ITPR1: variants seen among roughly 807,000 people sequenced by gnomAD.
ITPR1 encodes the protein inositol 1,4,5-trisphosphate-gated calcium channel ITPR1.
A neutral mutation model predicts 318.4 loss-of-function variants in ITPR1; 96 were observed. That is an observed-to-expected ratio of 0.30 (90% confidence interval 0.26 to 0.36). ITPR1 has a LOEUF of 0.36. ITPR1 is among the 10% of genes least tolerant of loss of function. ITPR1 has a pLI of 1.00. For synonymous variants in ITPR1, 1,312 were observed against 1,289.9 expected, an observed-to-expected ratio of 1.02 and a Z score of -0.37; for missense variants, 2,440 against 3,460.2, an observed-to-expected ratio of 0.71 and a Z score of 7.40.
intron 46 of ITPR1, among the ~76,000 whole-genome samples, chr3:4,773,690 G>A (rs2046322512): frequency 6.6e-6 from 1 of 152,188 alleles, no homozygotes; most frequent in African/African-American, 2.4e-5. Context: ...ACAGAGCAGG[G>A]CTGAGCCAAC....
intron 3 of ITPR1, among the ~76,000 whole-genome samples, chr3:4,516,992 C>T (rs559054848): frequency 6.6e-6 from 1 of 152,144 alleles, no homozygotes; most frequent in Non-Finnish European, 1.5e-5. Context: ...ATAATATAAG[C>T]AAAGACCAAA....
At chr3:4,654,009 C>T in intron 12 of ITPR1, 123 bp downstream of exon 12, 3 of 646,186 alleles carry the variant, frequency 4.6e-6, no homozygotes, top group South Asian at 3.9e-5. Flanking sequence ...CCTTAGGCTC[C>T]CTTAAAACAC....
In ITPR1 at chr3:4,669,449, C is replaced by A. The variant is rs2306874; in HGVS notation, c.1887-205C>A. Among the ~76,000 whole-genome samples the A allele has an allele frequency of 0.075, 11,470 of 152,158 alleles. 677 individuals are homozygous for A. Among genetic ancestry groups the A allele is most frequent in the African/African-American group, 0.15 (6,377 of 41,464 alleles). ...CACCTCTTCCTTGACCACAGCCACT[C>A]CTGTCTTTCCTTCTTGTTTCCTCTT... On this transcript the variant is annotated intron_variant, in intron 18 of 61. Coordinates refer to ENST00000649015, the MANE Select transcript of ITPR1 (RefSeq NM_001378452.1).
At chr3:4,609,811 A>G (rs1031548319) in intron 4 of ITPR1, among the ~76,000 whole-genome samples, 1 of 152,180 alleles carries the variant, frequency 6.6e-6, no homozygotes, top group Admixed American at 6.5e-5. Context: ...GGAATAGAAC[A>G]GGACAGAGCT....
At chr3:4,535,711 C>T (rs937462221) in intron 4 of ITPR1, among the ~76,000 whole-genome samples, 2 of 152,062 alleles carry the variant, frequency 1.3e-5, no homozygotes, top group African/African-American at 4.8e-5. Context: ...TCCCAAAGTG[C>T]TGGGATTAGA....
At chr3:4,751,576 C>G (rs2044525690) in intron 44 of ITPR1, 1 of 152,230 alleles carries the variant, frequency 6.6e-6, no homozygotes, top group East Asian at 1.9e-4. Context: ...CCACCTCTGC[C>G]TTGCCCAGAA....
intron 52 of ITPR1, among the ~76,000 whole-genome samples, chr3:4,793,716 C>T (rs1269590436): frequency 6.6e-6 from 1 of 152,092 alleles, no homozygotes; most frequent in African/African-American, 2.4e-5. Flanking sequence ...CAGAGGATCA[C>T]TAACCTGGAT....
chr3:4,737,674 G>A (rs1452902380), intron 44 of ITPR1, among the ~76,000 whole-genome samples: 1 of 152,196 alleles, frequency 6.6e-6, no homozygotes, highest in East Asian at 1.9e-4. Flanking sequence ...GAGGAAAGCA[G>A]GGTCCCAAGG....
chr3:4,521,137 G>C, intron 4 of ITPR1, 43 bp downstream of exon 4: 1 of 1,338,606 alleles, frequency 7.5e-7, no homozygotes, highest in African/African-American at 1.4e-5. Context: ...TGACTCACTT[G>C]AAAATTCTTG....
Position 4,645,747 on chromosome 3 carries a change from A to T in ITPR1, c.855+19A>T. Reference sequence around the variant, plus strand: ...GGTGGAGGTAAGGGTAGGGTGGAGAAAGGGCTCCTGGGTTTAGAGGATATC... The same window carrying T: ...GGTGGAGGTAAGGGTAGGGTGGAGATAGGGCTCCTGGGTTTAGAGGATATC... On this transcript the variant is annotated intron_variant, in intron 10 of 61. Transcript: ENST00000649015. The T allele has an allele frequency of 6.2e-7, 1 of 1,609,198 alleles. No homozygotes were observed. The highest frequency in any genetic ancestry group is 1.3e-5 in the African/African-American group (1 of 74,902).
chr3:4,642,052 G>C, intron 6 of ITPR1, 41 bp from the exon 7 acceptor site: 1 of 1,485,986 alleles, frequency 6.7e-7, no homozygotes, highest in Non-Finnish European at 9.0e-7. Context: ...AGAAAATTCA[G>C]ATTTGCTGAC....
At chr3:4,536,797 A>G (rs967193328) in intron 4 of ITPR1, among the ~76,000 whole-genome samples, 1 of 152,206 alleles carries the variant, frequency 6.6e-6, no homozygotes, top group Non-Finnish European at 1.5e-5. Context: ...TCATTACCCA[A>G]ATATCCACAG....
intron 12 of ITPR1, among the ~76,000 whole-genome samples, chr3:4,655,445 G>T (rs560851727): frequency 1.5e-4 from 23 of 152,274 alleles, no homozygotes; most frequent in Non-Finnish European, 2.8e-4. Flanking sequence ...TTTATGAGCT[G>T]CTGTGTGACC....
chr3:4,587,407 A>G (rs1357697825), intron 4 of ITPR1, among the ~76,000 whole-genome samples: 4 of 151,298 alleles, frequency 2.6e-5, no homozygotes, highest in African/African-American at 9.7e-5. Flanking sequence ...AGTAGCTGGG[A>G]CTACAGGTGC....
chr3:4,843,333 T>A (rs559915381), intron 61 of ITPR1, among the ~76,000 whole-genome samples: 1 of 152,290 alleles, frequency 6.6e-6, no homozygotes, highest in South Asian at 2.1e-4. Context: ...AAATAATATA[T>A]GTACACAAAT....
intron 42 of ITPR1, 149 bp downstream of exon 42, chr3:4,727,322 A>G (rs1027147830): frequency 3.7e-5 from 20 of 540,950 alleles, no homozygotes; most frequent in Non-Finnish European, 4.8e-5. Flanking sequence ...CCATGTATAT[A>G]AATGAAACTA....
chr3:4,754,852 G>A (rs746779553), intron 44 of ITPR1, among the ~76,000 whole-genome samples: 74 of 152,296 alleles, frequency 4.9e-4, no homozygotes, highest in African/African-American at 1.3e-3. Flanking sequence ...CAAGGGTATC[G>A]TTGATTTGAC....
At chr3:4,622,335 G>C (rs9818585) in intron 4 of ITPR1, among the ~76,000 whole-genome samples, 2 of 149,818 alleles carry the variant, frequency 1.3e-5, no homozygotes, top group African/African-American at 2.4e-5. Context: ...GGATGGTCTC[G>C]ATCTCTTGAC....
chr3:4,800,492 T>G lies in ITPR1; in HGVS notation c.6999T>G (p.Ile2333Met). 6.2e-7 allele frequency: 1 copy of G among 1,614,020 alleles called. No individual in the cohort carries two copies. The highest frequency in any genetic ancestry group is 8.5e-7 in the Non-Finnish European group (1 of 1,179,890). The change falls in exon 54 of 62, where the codon ATT becomes ATG. Residue 2333 changes from isoleucine to methionine, a missense_variant. Around this residue, in one of 23 missense-constraint regions of ITPR1, gnomAD observed 126 missense variants for 150.8 expected, o/e 0.84. Transcript: ENST00000649015. The stretch of plus-strand genomic sequence containing the variant: ...TGCTCATCTCTCTGGCCATCGTCAT[T>G]GCCCTCCCCAAGCCCCATGGCATCC... ...TAMLISLAIV[I>M]ALPKPHGIRA...
Sources: allele counts gnomAD v4.1 joint callset (sites outside exome capture counted in the v4.1 genomes callset), GRCh38; gene constraint gnomAD v4.1.1; regional missense constraint gnomAD v4.1.1; transcripts MANE v1.5; gene names NCBI Gene and HGNC (gene_info 2026-07-23, HGNC 2026-07-21).